The following KLRG2 variants were observed in gnomAD, a reference collection of about 807,000 sequenced individuals.
The protein encoded by KLRG2 is killer cell lectin like receptor G2.
KLRG2 carries 39 observed loss-of-function variants against 35.4 expected under a neutral mutation model. The observed-to-expected ratio is 1.10, with a 90% CI of 0.85 to 1.44. The LOEUF is 1.44. Ranked by LOEUF, KLRG2 falls within the 40% of genes most tolerant of loss-of-function variation. The pLI, the probability that KLRG2 is intolerant of heterozygous loss-of-function variation, is 0.00. For synonymous variants in KLRG2, 283 were observed against 265.8 expected (o/e 1.06, Z -0.63); for missense variants, 632 against 570.9 (o/e 1.11, Z -1.09).
the KLRG2 span, among the ~76,000 whole-genome samples, chr7:139,445,896 A>G: frequency 1.5e-4 from 23 of 150,770 alleles, 1 homozygote; most frequent in South Asian, 3.7e-3. Context: ...CAATGGCACA[A>G]TCTCGGCTCA....
downstream of KLRG2, among the ~76,000 whole-genome samples, chr7:139,452,189 G>A (rs1356580886): frequency 1.3e-5 from 2 of 151,904 alleles, no homozygotes; most frequent in African/African-American, 4.8e-5. Flanking sequence ...AGGCTGGCAG[G>A]CTGGTCTCGA....
intron 2 of KLRG2, 34 bp from the exon 3 acceptor site, chr7:139,479,806 G>C: frequency 6.2e-7 from 1 of 1,601,062 alleles, no homozygotes; most frequent in South Asian, 1.1e-5. Flanking sequence ...GAGCTGCAGG[G>C]TAAGCTGCAT....
the KLRG2 span, among the ~76,000 whole-genome samples, chr7:139,437,247 C>T: frequency 5.3e-5 from 8 of 151,768 alleles, no homozygotes; most frequent in Non-Finnish European, 8.8e-5. Flanking sequence ...GCCAACATGG[C>T]GAAACCCATC....
At chr7:139,438,135 G>A in the KLRG2 span, among the ~76,000 whole-genome samples, 1 of 152,248 alleles carries the variant, frequency 6.6e-6, no homozygotes, top group African/African-American at 2.4e-5. Flanking sequence ...GCCAAGGCCG[G>A]GCTAGAGAAG....
At chr7:139,449,901 T>C (rs536559656), downstream of KLRG2, among the ~76,000 whole-genome samples, 167 of 150,704 alleles carry the variant, frequency 1.1e-3, 2 homozygotes, top group South Asian at 0.015. Flanking sequence ...CAGGGTTTCA[T>C]CCTGTTAGCC....
chr7:139,431,013 G>GGA, the KLRG2 span, among the ~76,000 whole-genome samples: 3 of 92,614 alleles, frequency 3.2e-5, no homozygotes, highest in Admixed American at 1.3e-4. Flanking sequence ...CCCTGTCTCA[G>GGA]AAAAAAAAAA....
the KLRG2 span, among the ~76,000 whole-genome samples, chr7:139,440,431 T>TGTA: frequency 3.6e-5 from 5 of 140,356 alleles, no homozygotes; most frequent in Non-Finnish European, 7.7e-5. Context: ...TTTTTTTTTT[T>TGTA]TTTTGTATTT....
chr7:139,475,151 C>T (rs190458205), intron 3 of KLRG2, among the ~76,000 whole-genome samples: 55 of 152,310 alleles, frequency 3.6e-4, no homozygotes, highest in African/African-American at 1.2e-3. Context: ...GCCTGTCCAA[C>T]GAAGTCTCCA....
chr7:139,447,692 C>T (rs1234914169), downstream of KLRG2, among the ~76,000 whole-genome samples: 3 of 151,882 alleles, frequency 2.0e-5, no homozygotes, highest in Admixed American at 6.6e-5. Flanking sequence ...TGTGAGCCAC[C>T]GCACCCAGCC....
At chr7:139,439,293 G>A in the KLRG2 span, among the ~76,000 whole-genome samples, 424 of 152,272 alleles carry the variant, frequency 2.8e-3, 1 homozygote, top group African/African-American at 9.7e-3. Context: ...CCGCTTCTAC[G>A]AACTCTACAA....
intron 3 of KLRG2, among the ~76,000 whole-genome samples, chr7:139,470,946 G>A (rs1042859519): frequency 5.3e-5 from 8 of 151,446 alleles, no homozygotes; most frequent in South Asian, 2.1e-4. Flanking sequence ...AGGTTAAAGC[G>A]ATTCTCCTGC....
intron 3 of KLRG2, among the ~76,000 whole-genome samples, chr7:139,475,490 C>A (rs887598280): frequency 1.1e-4 from 16 of 151,044 alleles, no homozygotes; most frequent in Non-Finnish European, 7.4e-5. Flanking sequence ...GAGATTGCAC[C>A]TCTGCACTCC....
chr7:139,441,982 G>A, the KLRG2 span, among the ~76,000 whole-genome samples: 1 of 152,138 alleles, frequency 6.6e-6, no homozygotes, highest in Non-Finnish European at 1.5e-5. Context: ...GAAACTAGGA[G>A]ACCTCTGAAA....
intron 3 of KLRG2, among the ~76,000 whole-genome samples, chr7:139,478,895 C>G (rs1796903353): frequency 6.6e-6 from 1 of 151,884 alleles, no homozygotes. Flanking sequence ...CCAAGCCCAG[C>G]CTATCAAAAG....
the KLRG2 span, among the ~76,000 whole-genome samples, chr7:139,438,513 G>A: frequency 1.3e-5 from 2 of 151,858 alleles, no homozygotes; most frequent in South Asian, 2.1e-4. Context: ...CACTGCACTG[G>A]ATCAGAAATG....
chr7:139,477,688 T>G (rs1464130381), intron 3 of KLRG2, among the ~76,000 whole-genome samples: 1 of 152,172 alleles, frequency 6.6e-6, no homozygotes, highest in Non-Finnish European at 1.5e-5. Context: ...ACATTATGAA[T>G]GTATTTAATA....
rs551578160 is a variant in KLRG2 at position 139,454,095 on chromosome 7, G to A, written c.1109+16C>T. The A allele has an allele frequency of 8.1e-5, 115 of 1,423,476 alleles. 1 individual carries two copies. Among genetic ancestry groups the A allele is most frequent in the Non-Finnish European group, 1.0e-4 (106 of 1,031,816 alleles). The allele number at this position is 1,423,476 out of a possible 1,614,324, so 88.2% of individuals were successfully genotyped here. ...CCAGAACAGCAGAGGAGGGAGAAAA[G>A]CCCGTGGTCACTCACAGCTGGGGCG... is the stretch of plus-strand genomic sequence containing the variant. On this transcript the variant is annotated intron_variant, in intron 4 of 4. Transcript: ENST00000340940.
chr7:139,457,677 A>C (rs182958506), intron 3 of KLRG2, among the ~76,000 whole-genome samples: 1 of 152,072 alleles, frequency 6.6e-6, no homozygotes. Context: ...CAGAGCCCCA[A>C]GCTATCTGCC....
At chr7:139,458,722 G>A (rs1456566717) in intron 3 of KLRG2, among the ~76,000 whole-genome samples, 1 of 152,190 alleles carries the variant, frequency 6.6e-6, no homozygotes, top group Non-Finnish European at 1.5e-5. Context: ...TTCAGTGTGT[G>A]CTGTTAAGGT....
Sources: gnomAD v4.1 joint callset for allele counts (sites outside exome capture counted in the v4.1 genomes callset) on GRCh38, gnomAD v4.1.1 for gene constraint, MANE v1.5 for transcripts, NCBI Gene and HGNC (gene_info 2026-07-23, HGNC 2026-07-21) for gene names.